PCDHA8: variants seen among roughly 807,000 people sequenced by gnomAD.
PCDHA8 encodes protocadherin alpha-8.
PCDHA8 carries 53 observed loss-of-function variants against 61.8 expected under a neutral mutation model. The ratio of observed to expected loss-of-function variants is 0.86; its 90% CI spans 0.69 to 1.08. The LOEUF (loss-of-function observed/expected upper bound fraction) is 1.08, where lower values mean the gene tolerates loss of function less well. Among genes scored for constraint, PCDHA8 ranks in the 50% least tolerant of loss-of-function variants. PCDHA8 has a pLI of 0.00. For synonymous variants in PCDHA8, 618 were observed against 556.6 expected (o/e 1.11, Z -1.55); for missense variants, 1,293 against 1,245.0 (o/e 1.04, Z -0.58).
intron 1 of PCDHA8, chr5:140,856,061 T>A (rs782207999): frequency 1.3e-6 from 2 of 1,588,972 alleles, no homozygotes; most frequent in Non-Finnish European, 8.6e-7. Context: ...GGTTTCCAGA[T>A]GTAGCTGCCT....
intron 3 of PCDHA8, among the ~76,000 whole-genome samples, chr5:141,002,446 G>T (rs1456078562): frequency 1.3e-5 from 2 of 152,156 alleles, no homozygotes; most frequent in Admixed American, 6.5e-5. Context: ...ATAATAATTG[G>T]CACATTTGTA....
intron 1 of PCDHA8, among the ~76,000 whole-genome samples, chr5:140,920,262 T>A (rs1199241403): frequency 2.0e-5 from 3 of 152,216 alleles, no homozygotes; most frequent in African/African-American, 7.2e-5. Flanking sequence ...ATAATAATTA[T>A]TACTTTATGT....
intron 1 of PCDHA8, among the ~76,000 whole-genome samples, chr5:140,917,068 GAGTTTAATGTAAAGTTCCCC>G (rs1192645655): frequency 1.3e-5 from 2 of 152,066 alleles, no homozygotes; most frequent in Non-Finnish European, 2.9e-5. Context: ...CGACAGCACC[GAGTTTAATGTAAAGTTCCCC>G]AGTTGCTGTG....
At position 140,929,227 on chromosome 5, in the gene PCDHA8, G is replaced by C. The variant is rs141300036; in HGVS notation, c.2395-49722G>C. ...GTTGCGTGGGGAGTACAATGCTGCC[G>C]ACCTGCGAAATCTTGCCACTGGGGT... On this transcript the variant is annotated intron_variant, in intron 1 of 3. Transcript: ENST00000531613. 7.4e-6 allele frequency: 12 copies of C among 1,613,892 alleles called. No homozygotes were observed. In the African/African-American group the frequency reaches 1.5e-4, roughly 20 times the overall value.
chr5:140,903,955 A>G (rs536986744), intron 1 of PCDHA8, among the ~76,000 whole-genome samples: 1 of 152,308 alleles, frequency 6.6e-6, no homozygotes, highest in Non-Finnish European at 1.5e-5. Context: ...CTGGAAAATT[A>G]TTTGTTGATT....
At chr5:140,882,331 C>G (rs781801545) in intron 1 of PCDHA8, 3 of 1,614,214 alleles carry the variant, frequency 1.9e-6, no homozygotes, top group South Asian at 1.1e-5. Flanking sequence ...TTCTGATCCT[C>G]GCAGCCTGGG....
intron 1 of PCDHA8, among the ~76,000 whole-genome samples, chr5:140,923,753 TG>T (rs1217230498): frequency 6.6e-6 from 1 of 152,174 alleles, no homozygotes; most frequent in Non-Finnish European, 1.5e-5. Context: ...AGGCATATGG[TG>T]GGACAAATCC....
intron 1 of PCDHA8, among the ~76,000 whole-genome samples, chr5:140,959,063 A>G (rs190067147): frequency 2.0e-5 from 3 of 152,292 alleles, no homozygotes; most frequent in Admixed American, 2.0e-4. Flanking sequence ...TGCAGTATAT[A>G]TAGAATTCAG....
intron 1 of PCDHA8, among the ~76,000 whole-genome samples, chr5:140,973,877 A>G (rs782563295): frequency 6.6e-6 from 1 of 152,234 alleles, no homozygotes; most frequent in Non-Finnish European, 1.5e-5. Context: ...AGGTCAGAAT[A>G]ATGTCAATTT....
chr5:141,002,374 C>T (rs1228476890), intron 3 of PCDHA8, among the ~76,000 whole-genome samples: 1 of 152,220 alleles, frequency 6.6e-6, no homozygotes, highest in Non-Finnish European at 1.5e-5. Context: ...CTCATTCTGG[C>T]TTAGGGCTCC....
At chr5:140,924,183 A>G (rs1554201796) in intron 1 of PCDHA8, among the ~76,000 whole-genome samples, 1 of 152,230 alleles carries the variant, frequency 6.6e-6, no homozygotes, top group Non-Finnish European at 1.5e-5. Context: ...GAAGCAGAAA[A>G]TTAGTTTTGG....
chr5:140,912,723 A>C (rs781874290), intron 1 of PCDHA8, among the ~76,000 whole-genome samples: 21 of 152,256 alleles, frequency 1.4e-4, no homozygotes, highest in Admixed American at 1.1e-3. Context: ...TCCATTCAAT[A>C]TGATGTTGGC....
At chr5:140,921,615 C>A (rs977929420) in intron 1 of PCDHA8, among the ~76,000 whole-genome samples, 13 of 152,090 alleles carry the variant, frequency 8.5e-5, no homozygotes, top group Non-Finnish European at 1.5e-4. Flanking sequence ...AGAAAAATAT[C>A]ATCAGATCAT....
chr5:140,993,238 T>A (rs896841031), intron 3 of PCDHA8, among the ~76,000 whole-genome samples: 1 of 152,182 alleles, frequency 6.6e-6, no homozygotes, highest in African/African-American at 2.4e-5. Context: ...TCTCTGAATC[T>A]GGGGATTTAG....
chr5:140,963,175 T>C (rs1408160891), intron 1 of PCDHA8, among the ~76,000 whole-genome samples: 1 of 152,046 alleles, frequency 6.6e-6, no homozygotes, highest in East Asian at 1.9e-4. Context: ...ATCTTACAGA[T>C]ATGCTGTAGA....
chr5:140,941,310 C>T (rs1375547519), intron 1 of PCDHA8, among the ~76,000 whole-genome samples: 10 of 79,218 alleles, frequency 1.3e-4, no homozygotes, highest in Non-Finnish European at 1.8e-4. Flanking sequence ...CTTTCTTTTT[C>T]TTCTTTCTCT....
At chr5:140,880,926 G>C (rs1554171610) in intron 1 of PCDHA8, among the ~76,000 whole-genome samples, 1 of 152,192 alleles carries the variant, frequency 6.6e-6, no homozygotes, top group African/African-American at 2.4e-5. Context: ...TACTATGTTA[G>C]TAAAAGTAAT....
At chr5:140,901,278 A>AT (rs1554189713) in intron 1 of PCDHA8, among the ~76,000 whole-genome samples, 2 of 152,102 alleles carry the variant, frequency 1.3e-5, no homozygotes, top group Non-Finnish European at 2.9e-5. Context: ...TACTCAAGAA[A>AT]TTTTTGCCCA....
intron 1 of PCDHA8, among the ~76,000 whole-genome samples, chr5:140,962,849 T>C (rs1434907172): frequency 6.6e-6 from 1 of 152,214 alleles, no homozygotes; most frequent in African/African-American, 2.4e-5. Context: ...ATATAACTTG[T>C]GCTCGGTTTG....
Sources: gnomAD v4.1 joint callset for allele counts (sites outside exome capture counted in the v4.1 genomes callset) on GRCh38, gnomAD v4.1.1 for gene constraint, MANE v1.5 for transcripts, NCBI Gene and HGNC (gene_info 2026-07-23, HGNC 2026-07-21) for gene names.